EPHA6: variants seen among roughly 807,000 people sequenced by gnomAD.
The protein encoded by EPHA6 is EPH receptor A6, also known as ephrin type-A receptor 6.
Under a neutral mutation model 112.0 loss-of-function variants are expected in EPHA6, and 50 were observed. That is an observed-to-expected ratio of 0.45 (90% CI 0.36 to 0.56). The LOEUF (loss-of-function observed/expected upper bound fraction) is 0.56, where lower values mean the gene tolerates loss of function less well. EPHA6 is among the 20% of genes least tolerant of loss of function. The probability of loss-of-function intolerance (pLI) is 0.00; values close to 1 mark genes in which losing one functional copy is unlikely to be tolerated. For synonymous variants in EPHA6, 529 were observed against 490.7 expected, an observed-to-expected ratio of 1.08 and a Z score of -1.03; for missense variants, 1,280 against 1,417.4, an observed-to-expected ratio of 0.90 and a Z score of 1.56.
In EPHA6 at chr3:97,276,855, G is replaced by C. The variant is rs553984449; in HGVS notation, c.1606+32568G>C. Reference sequence around the variant, plus strand: ...GTGGGATAAGGAAAAAGGAAAAGGAGCATTAACCTTGACTATGCCTTTAGC... The same window carrying C: ...GTGGGATAAGGAAAAAGGAAAAGGACCATTAACCTTGACTATGCCTTTAGC... On this transcript the variant is annotated intron_variant, in intron 5 of 17. Coordinates refer to ENST00000389672, the MANE Select transcript of EPHA6 (RefSeq NM_001080448.3). Among the ~76,000 whole-genome samples the C allele has an allele frequency of 4.9e-4, 74 of 152,280 alleles. No individual in the cohort carries two copies. The South Asian group carries it at 8.9e-3, about 18-fold the overall frequency.
chr3:97,136,346 C>G (rs1437896543), intron 3 of EPHA6, among the ~76,000 whole-genome samples: 1 of 152,058 alleles, frequency 6.6e-6, no homozygotes, highest in Non-Finnish European at 1.5e-5. Flanking sequence ...CACAATAAGA[C>G]AGTAAAATCC....
At chr3:97,176,780 C>T (rs2076848129) in intron 3 of EPHA6, among the ~76,000 whole-genome samples, 1 of 151,416 alleles carries the variant, frequency 6.6e-6, no homozygotes, top group Admixed American at 6.6e-5. Flanking sequence ...TGGATCTTCT[C>T]TTTCTTTCTT....
At chr3:97,542,636 T>A (rs2092878545) in intron 11 of EPHA6, among the ~76,000 whole-genome samples, 2 of 152,204 alleles carry the variant, frequency 1.3e-5, no homozygotes, top group Admixed American at 6.5e-5. Flanking sequence ...GGTCAAATGG[T>A]ATTTCTAGTT....
intron 3 of EPHA6, among the ~76,000 whole-genome samples, chr3:97,126,552 C>T (rs917189234): frequency 4.6e-5 from 7 of 152,034 alleles, no homozygotes; most frequent in African/African-American, 1.7e-4. Flanking sequence ...AATTTATTAA[C>T]ATGTCACTAC....
At chr3:97,635,994 AAC>A (rs1320046034) in intron 13 of EPHA6, among the ~76,000 whole-genome samples, 5 of 152,098 alleles carry the variant, frequency 3.3e-5, no homozygotes, top group Non-Finnish European at 7.4e-5. Flanking sequence ...TGCAAAAAAA[AAC>A]ACATATAATA....
chr3:96,966,694 A>T (rs759750872), intron 2 of EPHA6, among the ~76,000 whole-genome samples: 3 of 151,918 alleles, frequency 2.0e-5, no homozygotes, highest in Admixed American at 1.3e-4. Flanking sequence ...ATGCTTGGAA[A>T]CTGTTTTTGT....
intron 1 of EPHA6, among the ~76,000 whole-genome samples, chr3:96,838,634 C>G (rs2034559440): frequency 1.3e-5 from 2 of 151,910 alleles, no homozygotes; most frequent in African/African-American, 4.8e-5. Context: ...TTTAATATAT[C>G]AATTAAAAGG....
chr3:97,624,795 C>G (rs575099864), intron 13 of EPHA6, among the ~76,000 whole-genome samples: 1 of 151,312 alleles, frequency 6.6e-6, no homozygotes, highest in African/African-American at 2.4e-5. Context: ...TTTTGTGTTC[C>G]TAGGAATTTT....
intron 1 of EPHA6, among the ~76,000 whole-genome samples, chr3:96,856,655 G>T (rs574006646): frequency 1.3e-5 from 2 of 152,086 alleles, no homozygotes; most frequent in Non-Finnish European, 2.9e-5. Context: ...TTTCTTCAGT[G>T]CTGTTCAAAT....
At chr3:96,928,272 A>G (rs868046437) in intron 2 of EPHA6, among the ~76,000 whole-genome samples, 1 of 152,210 alleles carries the variant, frequency 6.6e-6, no homozygotes, top group Admixed American at 6.5e-5. Context: ...AGTGCTATAA[A>G]TTTACCTCTT....
intron 13 of EPHA6, among the ~76,000 whole-genome samples, chr3:97,636,021 G>A (rs1576153308): frequency 1.3e-5 from 2 of 152,030 alleles, no homozygotes; most frequent in South Asian, 2.1e-4. Flanking sequence ...TAATAACAAG[G>A]ACTAACTATT....
intron 2 of EPHA6, among the ~76,000 whole-genome samples, chr3:96,947,041 T>C (rs1050835139): frequency 1.3e-5 from 2 of 151,990 alleles, no homozygotes; most frequent in African/African-American, 4.8e-5. Flanking sequence ...TTTTTTTTTT[T>C]GTAGATTTGT....
chr3:96,911,653 A>G (rs2107603472), intron 2 of EPHA6, among the ~76,000 whole-genome samples: 1 of 152,166 alleles, frequency 6.6e-6, no homozygotes, highest in East Asian at 1.9e-4. Flanking sequence ...TCATATTATT[A>G]CTTATAACTT....
intron 2 of EPHA6, among the ~76,000 whole-genome samples, chr3:96,926,588 A>G (rs2040046831): frequency 6.6e-6 from 1 of 152,236 alleles, no homozygotes; most frequent in South Asian, 2.1e-4. Flanking sequence ...GTGGGGGCAC[A>G]GGTATTGGAT....
intron 5 of EPHA6, among the ~76,000 whole-genome samples, chr3:97,309,782 G>A (rs1313621430): frequency 6.6e-6 from 1 of 151,408 alleles, no homozygotes; most frequent in Non-Finnish European, 1.5e-5. Flanking sequence ...TGAGACCCTG[G>A]GGAAAATGTC....
chr3:97,651,994 C>T (rs2107610197), intron 14 of EPHA6, among the ~76,000 whole-genome samples: 1 of 152,026 alleles, frequency 6.6e-6, no homozygotes, highest in East Asian at 1.9e-4. Context: ...AGTTTTCAAC[C>T]CTAACCCCAC....
chr3:96,864,504 G>A (rs2036193525), intron 1 of EPHA6, among the ~76,000 whole-genome samples: 1 of 151,992 alleles, frequency 6.6e-6, no homozygotes, highest in Non-Finnish European at 1.5e-5. Context: ...AAAGCTACAG[G>A]GAAAGAAATC....
intron 13 of EPHA6, among the ~76,000 whole-genome samples, chr3:97,614,105 T>C (rs1230995884): frequency 6.6e-6 from 1 of 152,072 alleles, no homozygotes; most frequent in Admixed American, 6.6e-5. Flanking sequence ...TTAACATTGT[T>C]TTTTGTTTTT....
intron 12 of EPHA6, among the ~76,000 whole-genome samples, chr3:97,607,664 G>A (rs2093689674): frequency 6.6e-6 from 1 of 151,112 alleles, no homozygotes; most frequent in South Asian, 2.1e-4. Context: ...TTCAAGAATT[G>A]ACTAATTCAA....
Sources: gnomAD v4.1 joint callset for allele counts (sites outside exome capture counted in the v4.1 genomes callset) on GRCh38, gnomAD v4.1.1 for gene constraint, MANE v1.5 for transcripts, NCBI Gene and HGNC (gene_info 2026-07-23, HGNC 2026-07-21) for gene names.